Variants in ANO4 observed in about 807,000 individuals in gnomAD.
ANO4 encodes anoctamin-4.
ANO4 carries 69 observed loss-of-function variants against 141.9 expected under a neutral mutation model. The observed-to-expected ratio is 0.49, with a 90% CI of 0.40 to 0.59. The LOEUF is 0.59. Among genes scored for constraint, ANO4 ranks in the 20% least tolerant of loss-of-function variants. The probability of loss-of-function intolerance (pLI) is 0.00; values close to 1 mark genes in which losing one functional copy is unlikely to be tolerated. For synonymous variants in ANO4, 350 were observed against 394.3 expected (o/e 0.89, Z 1.33); for missense variants, 894 against 1,162.2 (o/e 0.77, Z 3.36).
intron 14 of ANO4, chr12:101,069,117 G>A (rs558195213): frequency 5.4e-4 from 698 of 1,289,752 alleles, no homozygotes; most frequent in Admixed American, 8.1e-4. Flanking sequence ...AATTTCAAAC[G>A]GAAGAAAGTG....
chr12:100,835,271 AC>A (rs1184755283), intron 1 of ANO4, among the ~76,000 whole-genome samples: 1 of 144,872 alleles, frequency 6.9e-6, no homozygotes, highest in African/African-American at 2.4e-5. Flanking sequence ...CCTGACAAAT[AC>A]CTTTTGTATA....
rs763949654 is a variant in ANO4 at position 100,806,524 on chromosome 12, G to GTTTT, written c.-141+11530_-141+11533dup. On this transcript the variant is annotated intron_variant, in intron 1 of 27. Coordinates refer to ENST00000392977, the MANE Select transcript of ANO4 (RefSeq NM_001286615.2). ...TTTTAGGAGGTTTTTTTTTTGTTTC[G>GTTTT]TTTTTTTTTTTTTTTTTTTTTTTTT... Among the ~76,000 whole-genome samples the GTTTT allele has an allele frequency of 1.5e-4, 9 of 59,880 alleles. 1 individual carries two copies. The highest frequency in any genetic ancestry group is 2.5e-4 in the Admixed American group (1 of 4,000). 39.3% of individuals were successfully genotyped at this position (59,880 alleles called of 152,430 possible).
At chr12:100,812,348 A>G (rs1217756145) in intron 1 of ANO4, among the ~76,000 whole-genome samples, 2 of 152,302 alleles carry the variant, frequency 1.3e-5, no homozygotes, top group East Asian at 3.9e-4. Flanking sequence ...AGTCTTCAGC[A>G]TATTCATAAC....
chr12:101,111,488 AAATT>A, intron 23 of ANO4, 71 bp from the exon 24 acceptor site: 2 of 1,373,852 alleles, frequency 1.5e-6, no homozygotes, highest in East Asian at 5.2e-5. Flanking sequence ...GGACTTTTAA[AAATT>A]AATTCCATTT....
chr12:101,023,324 T>C (rs573310538), intron 9 of ANO4, among the ~76,000 whole-genome samples: 10 of 152,248 alleles, frequency 6.6e-5, no homozygotes, highest in Non-Finnish European at 1.2e-4. Context: ...TATAAAAGTT[T>C]CTTTCATTTG....
chr12:100,837,277 A>T (rs555371219), intron 1 of ANO4, among the ~76,000 whole-genome samples: 7,157 of 152,244 alleles, frequency 0.047, 232 homozygotes, highest in Middle Eastern at 0.095. Context: ...CAACCATATG[A>T]GATAAATAGT....
At chr12:100,885,152 A>G (rs755082383) in intron 1 of ANO4, among the ~76,000 whole-genome samples, 24 of 152,160 alleles carry the variant, frequency 1.6e-4, no homozygotes, top group Non-Finnish European at 1.8e-4. Context: ...TTCCTTTTGG[A>G]TATCCCAGGA....
chr12:101,066,167 G>T (rs2048575755), intron 14 of ANO4, among the ~76,000 whole-genome samples: 1 of 152,196 alleles, frequency 6.6e-6, no homozygotes, highest in African/African-American at 2.4e-5. Context: ...TACTGAGTGG[G>T]GAAAAGTGAA....
intron 1 of ANO4, among the ~76,000 whole-genome samples, chr12:100,821,620 G>A (rs973568532): frequency 3.3e-5 from 5 of 151,860 alleles, no homozygotes; most frequent in Non-Finnish European, 4.4e-5. Context: ...CCAACTTACT[G>A]TTCTCAATGA....
chr12:100,787,501 G>A (rs193184957), intron 3 of ANO4, among the ~76,000 whole-genome samples: 15 of 152,264 alleles, frequency 9.9e-5, no homozygotes, highest in East Asian at 1.9e-4. Context: ...ACAGTAAGAC[G>A]CAGAGGAGAG....
At chr12:101,119,491 G>A (rs1196680748) in intron 25 of ANO4, among the ~76,000 whole-genome samples, 2 of 152,056 alleles carry the variant, frequency 1.3e-5, no homozygotes, top group Non-Finnish European at 2.9e-5. Flanking sequence ...TGACCAGCCT[G>A]TAAGTGTATA....
chr12:100,869,518 G>A (rs1037166866), intron 1 of ANO4, among the ~76,000 whole-genome samples: 3 of 152,264 alleles, frequency 2.0e-5, no homozygotes, highest in Admixed American at 6.5e-5. Flanking sequence ...CCAAATGATC[G>A]CAATCCAGTT....
intron 1 of ANO4, among the ~76,000 whole-genome samples, chr12:100,841,632 G>C (rs964337691): frequency 6.6e-6 from 1 of 152,236 alleles, no homozygotes; most frequent in African/African-American, 2.4e-5. Flanking sequence ...GAAGATCCAG[G>C]GTGAACGGTA....
intron 22 of ANO4, among the ~76,000 whole-genome samples, chr12:101,102,339 G>A (rs2050224344): frequency 6.6e-6 from 1 of 152,130 alleles, no homozygotes; most frequent in South Asian, 2.1e-4. Flanking sequence ...TTATACTCTG[G>A]CTAATAGTAG....
intron 1 of ANO4, among the ~76,000 whole-genome samples, chr12:100,893,343 A>G (rs1483586258): frequency 6.6e-6 from 1 of 151,838 alleles, no homozygotes; most frequent in Non-Finnish European, 1.5e-5. Flanking sequence ...GTGTTCATCA[A>G]GTTTTTTCTA....
intron 1 of ANO4, chr12:100,852,662 G>C (rs529143805): frequency 6.6e-6 from 1 of 152,164 alleles, no homozygotes; most frequent in African/African-American, 2.4e-5. Flanking sequence ...TTGTGGGCAC[G>C]TTGCTGCCTT....
intron 14 of ANO4, among the ~76,000 whole-genome samples, chr12:101,066,224 CCA>C (rs1178776269): frequency 6.6e-6 from 1 of 152,186 alleles, no homozygotes; most frequent in Non-Finnish European, 1.5e-5. Flanking sequence ...TCCGCTTTCA[CCA>C]CTGTTATTCA....
intron 7 of ANO4, among the ~76,000 whole-genome samples, chr12:100,981,724 C>A (rs1204488444): frequency 6.6e-6 from 1 of 152,122 alleles, no homozygotes; most frequent in Non-Finnish European, 1.5e-5. Context: ...AGGGAAATGA[C>A]CTTTCTTCTA....
rs544108008 is a variant in ANO4 at position 101,054,586 on chromosome 12, G to A, written c.1312+6185G>A. Among the ~76,000 whole-genome samples the A allele has an allele frequency of 5.9e-5, 9 of 152,272 alleles. No individual in the cohort carries two copies. The East Asian group carries it at 9.7e-4, about 16-fold the overall frequency. Reference sequence around the variant, plus strand: ...ACAATCTCGGCTCATTGCAAGCTCCGCCTCCCGGCTTCACGCCATTCTCCT... The same window carrying A: ...ACAATCTCGGCTCATTGCAAGCTCCACCTCCCGGCTTCACGCCATTCTCCT... On this transcript the variant is annotated intron_variant, in intron 14 of 27. Transcript: ENST00000392977.
Sources: gnomAD v4.1 joint callset for allele counts (sites outside exome capture counted in the v4.1 genomes callset) on GRCh38, gnomAD v4.1.1 for gene constraint, MANE v1.5 for transcripts, NCBI Gene and HGNC (gene_info 2026-07-23, HGNC 2026-07-21) for gene names.